DHX15: variants seen among roughly 807,000 people sequenced by gnomAD.
The protein encoded by DHX15 is ATP-dependent RNA helicase DHX15.
Under a neutral mutation model 94.4 loss-of-function variants are expected in DHX15, and 11 were observed. The ratio of observed to expected loss-of-function variants is 0.12; its 90% CI spans 0.07 to 0.19. The LOEUF (loss-of-function observed/expected upper bound fraction) is 0.19, where lower values mean the gene tolerates loss of function less well. DHX15 is among the 10% of genes least tolerant of loss of function. The pLI is 1.00. For missense variants in DHX15, 304 were observed against 988.5 expected, an observed-to-expected ratio of 0.31 and a Z score of 9.29; for synonymous variants, 338 against 329.9, an observed-to-expected ratio of 1.02 and a Z score of -0.27.
chr4:24,531,837 A>G (rs1029770598), intron 12 of DHX15, among the ~76,000 whole-genome samples: 3 of 152,226 alleles, frequency 2.0e-5, no homozygotes, highest in African/African-American at 7.2e-5. Flanking sequence ...ATCATTCACC[A>G]AACTCTAATA....
chr4:24,550,434 C>T (rs975130023), intron 5 of DHX15, among the ~76,000 whole-genome samples: 1 of 152,156 alleles, frequency 6.6e-6, no homozygotes, highest in African/African-American at 2.4e-5. Context: ...CACAAACACA[C>T]CGTATGGCTG....
intron 3 of DHX15, among the ~76,000 whole-genome samples, chr4:24,568,624 C>G (rs1722047855): frequency 6.6e-6 from 1 of 152,208 alleles, no homozygotes; most frequent in South Asian, 2.1e-4. Flanking sequence ...CACATACACA[C>G]AGCACCAATA....
Position 24,532,884 on chromosome 4 carries a change from C to A in DHX15, c.2080G>T (p.Val694Phe). 1 of 1,608,838 alleles carries A rather than the reference C, an allele frequency of 6.2e-7. No homozygotes were observed. The highest frequency in any genetic ancestry group is 8.5e-7 in the Non-Finnish European group (1 of 1,177,724). ...DYYINIRKAL[V>F]TGYFMQVAHL... is the part of the protein sequence containing the mutation. Reference sequence around the variant, plus strand: ...CATACCTGCATAAAATACCCAGTAACCAAAGCTTTTCTTATATTAATATAA... The same window carrying A: ...CATACCTGCATAAAATACCCAGTAAACAAAGCTTTTCTTATATTAATATAA... Residue 694 changes from valine to phenylalanine, a missense_variant, in exon 12 of 14, where the codon GTT becomes TTT. By Grantham distance (50) the Val-to-Phe change is conservative. Around this residue, in one of 9 missense-constraint regions of DHX15, gnomAD observed 44 missense variants for 236.7 expected, o/e 0.19. Transcript: ENST00000336812.
At chr4:24,554,639 T>G (rs1238948691) in intron 5 of DHX15, 86 bp downstream of exon 5, 2 of 1,009,156 alleles carry the variant, frequency 2.0e-6, no homozygotes, top group Non-Finnish European at 3.0e-6. Flanking sequence ...ATAAAAAATA[T>G]GATTAACATG....
rs36034914 is a variant in DHX15 at position 24,580,510 on chromosome 4, C to CTT, written c.71+3811_71+3812dup. Among the ~76,000 whole-genome samples, 536 of 139,330 alleles carry CTT rather than the reference C, an allele frequency of 3.8e-3. 1 individual carries two copies. Among genetic ancestry groups the CTT allele is most frequent in the African/African-American group, 0.013 (494 of 37,550 alleles). 91.4% of individuals were successfully genotyped at this position (139,330 alleles called of 152,430 possible). A position where few individuals can be genotyped will look rare whatever the true frequency, so the allele number is the denominator to read the frequency against. ...ATCATGATATTTTAAATAAGCATTG[C>CTT]TTTTTTTTTTTTTTTTTAAAGACAG... On this transcript the variant is annotated intron_variant, in intron 1 of 13. Transcript: ENST00000336812.
Position 24,529,167 on chromosome 4 carries a change from C to T in DHX15, c.2270+434G>A, listed in dbSNP as rs972209172. Among the ~76,000 whole-genome samples, 24 of 152,146 alleles carry T rather than the reference C, an allele frequency of 1.6e-4. 1 individual carries two copies. Among genetic ancestry groups the T allele is most frequent in the African/African-American group, 3.6e-4 (15 of 41,502 alleles). ...CTTCCCCAGTAGCTGGGACTATAGA[C>T]GTGCAGCACCACCATGCCCAGCTAA... On this transcript the variant is annotated intron_variant, in intron 13 of 13. Transcript: ENST00000336812.
At chr4:24,540,767 T>A in intron 9 of DHX15, 73 bp downstream of exon 9, 1 of 805,008 alleles carries the variant, frequency 1.2e-6, no homozygotes, top group East Asian at 2.6e-5. Flanking sequence ...ATATATTAAA[T>A]AGGATGGAGA....
At chr4:24,535,008 T>C (rs903172863) in intron 11 of DHX15, among the ~76,000 whole-genome samples, 1 of 151,922 alleles carries the variant, frequency 6.6e-6, no homozygotes, top group African/African-American at 2.4e-5. Context: ...AATCAGTGAT[T>C]AAAGGCTAAA....
At chr4:24,564,107 T>C (rs767432864) in intron 3 of DHX15, among the ~76,000 whole-genome samples, 1 of 148,948 alleles carries the variant, frequency 6.7e-6, no homozygotes, top group Non-Finnish European at 1.5e-5. Context: ...AACATCAGTA[T>C]AGAACAGGAA....
chr4:24,575,745 G>T lies in DHX15; in HGVS notation c.507+498C>A, dbSNP rs151064531. ...GTCTAGTTAATAATAGCCCATCCAT[G>T]TTTAAAAAATATCCTAGCTATATTA... On this transcript the variant is annotated intron_variant, in intron 2 of 13. Coordinates refer to ENST00000336812, the MANE Select transcript of DHX15 (RefSeq NM_001358.3). Among the ~76,000 whole-genome samples, 177 of 152,248 alleles carry T rather than the reference G, an allele frequency of 1.2e-3. 2 individuals are homozygous for T. The East Asian group carries it at 0.031, about 26-fold the overall frequency.
chr4:24,576,002 G>A (rs1350509071), intron 2 of DHX15, among the ~76,000 whole-genome samples: 1 of 152,110 alleles, frequency 6.6e-6, no homozygotes, highest in Non-Finnish European at 1.5e-5. Flanking sequence ...AAATACCTCT[G>A]CCATACATAA....
At chr4:24,539,868 T>C (rs1721274041) in intron 10 of DHX15, 2 of 305,466 alleles carry the variant, frequency 6.5e-6, no homozygotes, top group Non-Finnish European at 1.2e-5. Flanking sequence ...TACTGCAATT[T>C]TTATTAGCAC....
intron 2 of DHX15, among the ~76,000 whole-genome samples, chr4:24,571,339 T>A (rs945318353): frequency 5.3e-5 from 8 of 152,170 alleles, no homozygotes; most frequent in African/African-American, 1.4e-4. Context: ...TGTAATCCTA[T>A]CCTTTCCCCC....
intron 6 of DHX15, among the ~76,000 whole-genome samples, chr4:24,544,393 G>A (rs950477220): frequency 6.6e-6 from 1 of 152,122 alleles, no homozygotes; most frequent in Admixed American, 6.5e-5. Flanking sequence ...GGGTATTTCA[G>A]AATAATTTAC....
chr4:24,579,766 T>C (rs965065205), intron 1 of DHX15, among the ~76,000 whole-genome samples: 7 of 152,188 alleles, frequency 4.6e-5, no homozygotes, highest in African/African-American at 1.7e-4. Flanking sequence ...GTTGTTGTTG[T>C]TATTATTACT....
At chr4:24,544,597 C>A (rs1721384538) in intron 6 of DHX15, among the ~76,000 whole-genome samples, 1 of 152,156 alleles carries the variant, frequency 6.6e-6, no homozygotes, top group East Asian at 1.9e-4. Context: ...ATAAGCATAA[C>A]CGGCATTTAA....
chr4:24,540,592 T>C (rs1383210259), intron 9 of DHX15, among the ~76,000 whole-genome samples: 3 of 152,036 alleles, frequency 2.0e-5, no homozygotes, highest in Non-Finnish European at 4.4e-5. Flanking sequence ...TCTCACATTT[T>C]CATGCCCAGA....
In DHX15 at chr4:24,571,389, T is replaced by C. The variant is rs201477900; in HGVS notation, c.508-542A>G. Reference sequence around the variant, plus strand: ...CACAATGGTAGCACCTTAGGTACCATCTTAAAATCAATTTTAAGAACTGCC... The same window carrying C: ...CACAATGGTAGCACCTTAGGTACCACCTTAAAATCAATTTTAAGAACTGCC... On this transcript the variant is annotated intron_variant, in intron 2 of 13. Transcript: ENST00000336812. Among the ~76,000 whole-genome samples the C allele has an allele frequency of 4.6e-5, 7 of 152,278 alleles. No individual in the cohort carries two copies. In the East Asian group the frequency reaches 9.6e-4, roughly 21 times the overall value.
chr4:24,545,620 C>T (rs376678748), intron 6 of DHX15, among the ~76,000 whole-genome samples: 1 of 151,970 alleles, frequency 6.6e-6, no homozygotes. Context: ...AGGCTAAATA[C>T]ACACACACAC....
Sources: allele counts gnomAD v4.1 joint callset (sites outside exome capture counted in the v4.1 genomes callset), GRCh38; gene constraint gnomAD v4.1.1; regional missense constraint gnomAD v4.1.1; transcripts MANE v1.5; gene names NCBI Gene and HGNC (gene_info 2026-07-23, HGNC 2026-07-21).